The following PRDM16 variants were observed in gnomAD, a reference collection of about 807,000 sequenced individuals.
PRDM16 encodes PR/SET domain 16.
PRDM16 carries 23 observed loss-of-function variants against 110.6 expected under a neutral mutation model. The ratio of observed to expected loss-of-function variants is 0.21; its 90% CI spans 0.15 to 0.29. PRDM16 has a LOEUF of 0.29. Among genes scored for constraint, PRDM16 ranks in the 10% least tolerant of loss-of-function variants. The pLI, the probability that PRDM16 is intolerant of heterozygous loss-of-function variation, is 1.00. For synonymous variants in PRDM16, 799 were observed against 781.8 expected, an observed-to-expected ratio of 1.02 and a Z score of -0.37; for missense variants, 1,615 against 1,794.3, an observed-to-expected ratio of 0.90 and a Z score of 1.81.
Position 3,425,685 on chromosome 1 carries a change from G to C in PRDM16, c.3044G>C (p.Arg1015Pro). 1 of 1,613,934 alleles carries C rather than the reference G, an allele frequency of 6.2e-7. No individual in the cohort carries two copies. Among genetic ancestry groups the C allele is most frequent in the Non-Finnish European group, 8.5e-7 (1 of 1,179,962 alleles). Residue 1015 changes from arginine to proline, a missense_variant, in exon 13 of 17, where the codon CGC (arginine) becomes CCC (proline). By Grantham distance (103) the Arg-to-Pro change is moderately radical. This residue lies in a region of PRDM16 where 327 missense variants were observed against 359.3 expected (regional missense o/e 0.91). Transcript: ENST00000270722. This position sits in a 1 kb window ranked among gnomAD's most constrained non-coding sequence, Gnocchi z 6.9. Reference sequence around the variant, plus strand: ...CCTTTCAAGTGCCACCTGTGCAACCGCTGCTTCGGGCAGCAGACCAACCTG... The same window carrying C: ...CCTTTCAAGTGCCACCTGTGCAACCCCTGCTTCGGGCAGCAGACCAACCTG... ...EKPFKCHLCN[R>P]CFGQQTNLDR...
intron 1 of PRDM16, among the ~76,000 whole-genome samples, chr1:3,129,200 A>G (rs1368677373): frequency 7.7e-6 from 1 of 130,586 alleles, no homozygotes; most frequent in African/African-American, 3.1e-5. Flanking sequence ...GTGTGTGGAT[A>G]TGTGTACATG....
intron 3 of PRDM16, among the ~76,000 whole-genome samples, chr1:3,384,542 A>G (rs756787072): frequency 5.3e-5 from 8 of 152,224 alleles, no homozygotes; most frequent in Non-Finnish European, 7.3e-5. Context: ...GGCAACAGTG[A>G]CAACAAAGCA....
intron 3 of PRDM16, among the ~76,000 whole-genome samples, chr1:3,275,868 G>T (rs976680656): frequency 1.3e-5 from 2 of 152,196 alleles, no homozygotes; most frequent in Non-Finnish European, 2.9e-5. Flanking sequence ...CTCTTCTCGT[G>T]GGGCCAGCGT....
At chr1:3,202,869 C>G (rs567472212) in intron 2 of PRDM16, among the ~76,000 whole-genome samples, 1 of 152,260 alleles carries the variant, frequency 6.6e-6, no homozygotes, top group Non-Finnish European at 1.5e-5. Flanking sequence ...ATCTTGCTGG[C>G]CCCACCCAAC....
intron 3 of PRDM16, among the ~76,000 whole-genome samples, chr1:3,257,429 A>G (rs1640076000): frequency 6.6e-6 from 1 of 152,228 alleles, no homozygotes; most frequent in African/African-American, 2.4e-5. Flanking sequence ...CACTGCAACC[A>G]GAGAGTCCCA....
At chr1:3,407,981 T>A (rs1643590707) in intron 8 of PRDM16, among the ~76,000 whole-genome samples, 1 of 152,174 alleles carries the variant, frequency 6.6e-6, no homozygotes, top group Non-Finnish European at 1.5e-5. Context: ...AGAAATTAGA[T>A]CAGACACAAG....
chr1:3,104,090 G>T (rs1001841188), intron 1 of PRDM16, among the ~76,000 whole-genome samples: 2 of 152,202 alleles, frequency 1.3e-5, no homozygotes, highest in African/African-American at 2.4e-5. Flanking sequence ...ATAACACACA[G>T]CTCCTTGGGC....
chr1:3,327,358 C>CG (rs1641936801), intron 3 of PRDM16, among the ~76,000 whole-genome samples: 1 of 152,096 alleles, frequency 6.6e-6, no homozygotes, highest in African/African-American at 2.4e-5. Context: ...CAGCAGCCCT[C>CG]GGGGGGTCCT....
intron 2 of PRDM16, among the ~76,000 whole-genome samples, chr1:3,224,423 G>A (rs902238919): frequency 1.3e-5 from 2 of 152,042 alleles, no homozygotes; most frequent in Non-Finnish European, 2.9e-5. Context: ...TCTCGCTGGG[G>A]TACCAGCTTC....
At position 3,337,364 on chromosome 1, in the gene PRDM16, C is replaced by T. The variant is rs186766606; in HGVS notation, c.439-47788C>T. 7.5e-4 allele frequency among the ~76,000 whole-genome samples: 114 copies of T among 152,344 alleles called. No individual in the cohort carries two copies. In the Middle Eastern group the frequency reaches 0.017, roughly 23 times the overall value. On this transcript the variant is annotated intron_variant, in intron 3 of 16. Coordinates refer to ENST00000270722, the MANE Select transcript of PRDM16 (RefSeq NM_022114.4). ...TCCCCAGTGCTCTGAGCATCCCCAC[C>T]GCTTCCTCCATCGAAGGCACCCAAC... is the stretch of plus-strand genomic sequence containing the variant.
At chr1:3,299,116 C>T (rs1040187897) in intron 3 of PRDM16, among the ~76,000 whole-genome samples, 16 of 152,328 alleles carry the variant, frequency 1.1e-4, no homozygotes, top group African/African-American at 2.4e-4. Flanking sequence ...GTGCTGTGGC[C>T]GTGATGTTTC....
At position 3,403,516 on chromosome 1, in the gene PRDM16, A is replaced by G. The variant is rs557429812; in HGVS notation, c.884+518A>G. ...GCAAGAGCCAGAAGGGGTCACCCCT[A>G]TCCCCAAGGCACCAGCCCTGCTCCC... On this transcript the variant is annotated intron_variant, in intron 6 of 16. Transcript: ENST00000270722. Among the ~76,000 whole-genome samples, 5 of 152,300 alleles carry G rather than the reference A, an allele frequency of 3.3e-5. No individual in the cohort carries two copies. The East Asian group carries it at 9.7e-4, about 29-fold the overall frequency.
At chr1:3,251,290 C>T (rs1283143733) in intron 3 of PRDM16, among the ~76,000 whole-genome samples, 3 of 90,440 alleles carry the variant, frequency 3.3e-5, no homozygotes, top group Non-Finnish European at 6.6e-5. Context: ...ATGAGTCTCA[C>T]GTGCTGCGTG....
intron 1 of PRDM16, among the ~76,000 whole-genome samples, chr1:3,138,790 G>A (rs546959163): frequency 6.6e-6 from 1 of 152,322 alleles, no homozygotes; most frequent in South Asian, 2.1e-4. Context: ...CGTGTGAGGA[G>A]GGGGCCTTGG....
intron 3 of PRDM16, among the ~76,000 whole-genome samples, chr1:3,273,503 A>C (rs1195267046): frequency 6.6e-6 from 1 of 151,672 alleles, no homozygotes; most frequent in African/African-American, 2.4e-5. Context: ...AGCTGCATCT[A>C]TAAGGGTACA....
intron 3 of PRDM16, among the ~76,000 whole-genome samples, chr1:3,264,580 G>A (rs1253037878): frequency 1.5e-5 from 2 of 137,410 alleles, no homozygotes; most frequent in Admixed American, 7.2e-5. Context: ...TGAGGACCCC[G>A]GGCCAGGAGG....
chr1:3,273,301 C>T (rs1489203260), intron 3 of PRDM16, among the ~76,000 whole-genome samples: 1 of 152,178 alleles, frequency 6.6e-6, no homozygotes, highest in Admixed American at 6.5e-5. Context: ...AAAGCCTGTT[C>T]TGCCATTCGA....
At chr1:3,165,476 G>C (rs1300413301) in intron 1 of PRDM16, among the ~76,000 whole-genome samples, 1,549 of 70,754 alleles carry the variant, frequency 0.022, 14 homozygotes, top group African/African-American at 0.046. Flanking sequence ...TGGGCTCAGG[G>C]ACAGTGACTC....
rs1638336944 is a variant in PRDM16, at chr1:3,418,488, G to A, written c.2862-179G>A. Among the ~76,000 whole-genome samples the A allele has an allele frequency of 2.6e-5, 4 of 152,198 alleles. No individual in the cohort carries two copies. The South Asian group carries it at 6.2e-4, about 24-fold the overall frequency. On this transcript the variant is annotated intron_variant, in intron 11 of 16. Coordinates refer to ENST00000270722, the MANE Select transcript of PRDM16 (RefSeq NM_022114.4). ...CTACTACTGTGGCCCATGGCAGCCT[G>A]CTCTGCAACTGAGGCTGGGCTTCAG...
Sources: allele counts gnomAD v4.1 joint callset (sites outside exome capture counted in the v4.1 genomes callset), GRCh38; gene constraint gnomAD v4.1.1; regional missense constraint gnomAD v4.1.1; non-coding constraint Gnocchi (gnomAD v3.1); transcripts MANE v1.5; gene names NCBI Gene and HGNC (gene_info 2026-07-23, HGNC 2026-07-21).